Variants in B3GALT1 observed in about 807,000 individuals in gnomAD.
B3GALT1 encodes the protein UDP-Gal:betaGlcNAc beta 1,3-galactosyltransferase, polypeptide 1.
Under a neutral mutation model 23.2 loss-of-function variants are expected in B3GALT1, and 10 were observed. That is an observed-to-expected ratio of 0.43 (90% confidence interval 0.27 to 0.73). The LOEUF (loss-of-function observed/expected upper bound fraction) is 0.73, where lower values mean the gene tolerates loss of function less well. Among genes scored for constraint, B3GALT1 ranks in the 30% least tolerant of loss-of-function variants. The pLI is 0.21. For missense variants in B3GALT1, 299 were observed against 405.4 expected (o/e 0.74, Z 2.25); for synonymous variants, 156 against 141.5 (o/e 1.10, Z -0.73).
chr2:167,383,193 CTT>C (rs75009286), intron 1 of B3GALT1, among the ~76,000 whole-genome samples: 11 of 134,804 alleles, frequency 8.2e-5, no homozygotes, highest in African/African-American at 2.4e-4. Context: ...TGTGCAGTGC[CTT>C]TTTTTTTTTT....
intron 2 of B3GALT1, among the ~76,000 whole-genome samples, chr2:167,578,516 G>T (rs975975487): frequency 5.3e-5 from 8 of 151,608 alleles, no homozygotes; most frequent in African/African-American, 1.9e-4. Context: ...AATTTTCTTC[G>T]AGGTTTTCTC....
At chr2:167,302,973 G>T (rs1199741609) in intron 1 of B3GALT1, among the ~76,000 whole-genome samples, 1 of 152,086 alleles carries the variant, frequency 6.6e-6, no homozygotes, top group Non-Finnish European at 1.5e-5. Flanking sequence ...GCATAAATAC[G>T]TTATCTTGTA....
At chr2:167,361,379 A>C (rs1697497380) in intron 1 of B3GALT1, among the ~76,000 whole-genome samples, 1 of 152,134 alleles carries the variant, frequency 6.6e-6, no homozygotes, top group African/African-American at 2.4e-5. Context: ...ATCCAAGAAA[A>C]TTCTCAATAA....
chr2:167,325,702 C>CTTTTTTTTT (rs61066636), intron 1 of B3GALT1, among the ~76,000 whole-genome samples: 28 of 110,572 alleles, frequency 2.5e-4, no homozygotes, highest in African/African-American at 5.6e-4. Context: ...ACCCTGTTTT[C>CTTTTTTTTT]TTTTTTTTTT....
intron 4 of B3GALT1, among the ~76,000 whole-genome samples, chr2:167,832,846 A>C (rs1178920648): frequency 6.6e-6 from 1 of 152,244 alleles, no homozygotes; most frequent in Non-Finnish European, 1.5e-5. Flanking sequence ...AGCAACGTAA[A>C]GTAAAAATGC....
chr2:167,680,474 C>T (rs1686508938), intron 3 of B3GALT1, among the ~76,000 whole-genome samples: 1 of 94,088 alleles, frequency 1.1e-5, no homozygotes, highest in Non-Finnish European at 2.7e-5. Context: ...TGGTGGTTTG[C>T]ATGACATAGA....
chr2:167,718,213 C>G (rs1687181138), intron 3 of B3GALT1, among the ~76,000 whole-genome samples: 2 of 151,976 alleles, frequency 1.3e-5, no homozygotes, highest in Non-Finnish European at 1.5e-5. Flanking sequence ...TTAAGATTCT[C>G]TTCTTGCAAG....
At chr2:167,524,894 C>G (rs762233081) in intron 2 of B3GALT1, among the ~76,000 whole-genome samples, 2 of 152,136 alleles carry the variant, frequency 1.3e-5, no homozygotes, top group Non-Finnish European at 2.9e-5. Context: ...TCATATCATT[C>G]TTTTTAGCAG....
At chr2:167,577,214 T>A (rs192544771) in intron 2 of B3GALT1, among the ~76,000 whole-genome samples, 55 of 151,992 alleles carry the variant, frequency 3.6e-4, no homozygotes, top group Admixed American at 1.7e-3. Context: ...TGATGTATGA[T>A]ACTTCTACCA....
chr2:167,480,129 C>T (rs1377848734), intron 1 of B3GALT1, among the ~76,000 whole-genome samples: 1 of 152,108 alleles, frequency 6.6e-6, no homozygotes, highest in Non-Finnish European at 1.5e-5. Flanking sequence ...AATCTTGTGA[C>T]CCCTGGCTAC....
chr2:167,373,573 C>G (rs1053438024), intron 1 of B3GALT1, among the ~76,000 whole-genome samples: 1 of 152,122 alleles, frequency 6.6e-6, no homozygotes, highest in Admixed American at 6.6e-5. Flanking sequence ...GAGCAAAAGA[C>G]TTGAACACAC....
At chr2:167,564,362 G>A (rs1371688689) in intron 2 of B3GALT1, among the ~76,000 whole-genome samples, 5 of 147,996 alleles carry the variant, frequency 3.4e-5, no homozygotes, top group Non-Finnish European at 7.5e-5. Context: ...GGGCAGAGAC[G>A]CTCCCCACTC....
chr2:167,764,657 C>T (rs920310170), intron 3 of B3GALT1, among the ~76,000 whole-genome samples: 2 of 151,930 alleles, frequency 1.3e-5, no homozygotes, highest in Non-Finnish European at 2.9e-5. Flanking sequence ...TTGAGAAAGA[C>T]AAGAAAAATA....
At chr2:167,404,193 G>A (rs1158802384) in intron 1 of B3GALT1, among the ~76,000 whole-genome samples, 1 of 152,068 alleles carries the variant, frequency 6.6e-6, no homozygotes, top group Non-Finnish European at 1.5e-5. Context: ...GGAGGCAGGT[G>A]CCAGGCTTTC....
At chr2:167,502,069 C>G (rs911977168) in intron 2 of B3GALT1, among the ~76,000 whole-genome samples, 2 of 152,172 alleles carry the variant, frequency 1.3e-5, no homozygotes, top group African/African-American at 2.4e-5. Context: ...TTCGTTCATT[C>G]ATTTAACAAA....
chr2:167,381,266 G>A (rs1253987504), intron 1 of B3GALT1, among the ~76,000 whole-genome samples: 1 of 152,044 alleles, frequency 6.6e-6, no homozygotes, highest in Non-Finnish European at 1.5e-5. Context: ...TCACTACATT[G>A]TGTAGGCTGG....
At chr2:167,356,062 A>T (rs1697398353) in intron 1 of B3GALT1, among the ~76,000 whole-genome samples, 1 of 152,212 alleles carries the variant, frequency 6.6e-6, no homozygotes, top group African/African-American at 2.4e-5. Context: ...GAAACTAAGC[A>T]CAGCTGGTGG....
chr2:167,303,609 A>T (rs545081180), intron 1 of B3GALT1, among the ~76,000 whole-genome samples: 1 of 150,986 alleles, frequency 6.6e-6, no homozygotes, highest in Admixed American at 6.6e-5. Flanking sequence ...TTGAGTTGAG[A>T]CATCTGTTTT....
intron 1 of B3GALT1, among the ~76,000 whole-genome samples, chr2:167,307,967 T>G (rs1185871231): frequency 4.9e-5 from 3 of 61,680 alleles, no homozygotes; most frequent in Non-Finnish European, 1.7e-4. Flanking sequence ...TAACAAAACT[T>G]GAAAATAAAG....
Sources: allele counts gnomAD v4.1 joint callset (sites outside exome capture counted in the v4.1 genomes callset), GRCh38; gene constraint gnomAD v4.1.1; transcripts MANE v1.5; gene names NCBI Gene and HGNC (gene_info 2026-07-23, HGNC 2026-07-21).